SESTD1: variants seen among roughly 807,000 people sequenced by gnomAD.
The protein encoded by SESTD1 is SEC14 and spectrin domain containing 1.
SESTD1 carries 43 observed loss-of-function variants against 101.7 expected under a neutral mutation model. That is an observed-to-expected ratio of 0.42 (90% CI 0.33 to 0.55). The LOEUF (loss-of-function observed/expected upper bound fraction) is 0.55. Among genes scored for constraint, SESTD1 ranks in the 20% least tolerant of loss-of-function variants. The pLI is 0.07. For synonymous variants in SESTD1, 283 were observed against 286.8 expected, an observed-to-expected ratio of 0.99 and a Z score of 0.13; for missense variants, 647 against 815.1, an observed-to-expected ratio of 0.79 and a Z score of 2.51.
At chr2:179,143,069 C>CTTTAGTAGT (rs141255402) in intron 9 of SESTD1, among the ~76,000 whole-genome samples, 1 of 151,238 alleles carries the variant, frequency 6.6e-6, no homozygotes, top group Non-Finnish European at 1.5e-5. Flanking sequence ...AAATGTCTCC[C>CTTTAGTAGT]TTTAGTATTT....
intron 15 of SESTD1, 134 bp from the exon 16 acceptor site, chr2:179,115,390 T>TTA: frequency 1.6e-6 from 1 of 619,078 alleles, no homozygotes; most frequent in South Asian, 2.4e-5. Context: ...CTAGTGGCAC[T>TTA]TATTACTACA....
intron 10 of SESTD1, among the ~76,000 whole-genome samples, chr2:179,127,506 A>T (rs1205917061): frequency 6.6e-6 from 1 of 152,256 alleles, no homozygotes; most frequent in Non-Finnish European, 1.5e-5. Context: ...TACATTAAGT[A>T]GGTAACAGAG....
At chr2:179,195,770 G>C (rs1415924127) in intron 1 of SESTD1, among the ~76,000 whole-genome samples, 2 of 150,676 alleles carry the variant, frequency 1.3e-5, no homozygotes, top group East Asian at 1.9e-4. Flanking sequence ...TATGAAACAA[G>C]TTAAAAGGAA....
At chr2:179,172,299 A>G (rs2105474657) in intron 4 of SESTD1, 66 bp from the exon 5 acceptor site, 1 of 1,074,576 alleles carries the variant, frequency 9.3e-7, no homozygotes, top group Middle Eastern at 2.1e-4. Context: ...AAATTTATAA[A>G]TTACCAGACA....
intron 5 of SESTD1, among the ~76,000 whole-genome samples, chr2:179,159,824 G>A (rs544404448): frequency 3.3e-5 from 5 of 151,152 alleles, no homozygotes; most frequent in South Asian, 2.2e-4. Flanking sequence ...TCTATGACCC[G>A]GCAAAGAAGA....
In SESTD1 at chr2:179,203,466, G is replaced by A. The variant is rs1231805227; in HGVS notation, c.-25-11600C>T. On this transcript the variant is annotated intron_variant, in intron 1 of 17. Transcript: ENST00000428443. ...GGGGAACAGTTCAGAGAGCTTCCAG[G>A]TGGGTGAACACATCAAGGTGCTGAG... Among the ~76,000 whole-genome samples, 4 of 132,590 alleles carry A rather than the reference G, an allele frequency of 3.0e-5. 2 individuals are homozygous for A. The highest frequency in any genetic ancestry group is 6.0e-5 in the African/African-American group (2 of 33,216). The allele number at this position is 132,590 out of a possible 152,430, so 87.0% of individuals were successfully genotyped here.
rs912410722 is a variant in SESTD1, at chr2:179,105,085, T to A, written c.*4814A>T. ...CTCTATTACAGTATCAGTCGGCCAT[T>A]TTCTGTTCATCATCACTGCCTGAGT... On this transcript the variant is annotated 3_prime_UTR_variant, in exon 18 of 18. Coordinates refer to ENST00000428443, the MANE Select transcript of SESTD1 (RefSeq NM_178123.5). 1.3e-5 allele frequency: 2 copies of A among 152,156 alleles called. No individual in the cohort carries two copies. 9.4% of individuals were successfully genotyped at this position (152,156 alleles called of 1,614,324 possible). A position where few individuals can be genotyped will look rare whatever the true frequency, so the allele number is the denominator to read the frequency against.
At chr2:179,212,907 G>T (rs1431171696) in intron 1 of SESTD1, among the ~76,000 whole-genome samples, 1 of 135,006 alleles carries the variant, frequency 7.4e-6, no homozygotes, top group Non-Finnish European at 1.6e-5. Flanking sequence ...TGAGGGACCT[G>T]ACTGTTAGAA....
intron 12 of SESTD1, 90 bp from the exon 13 acceptor site, chr2:179,122,019 G>C (rs2044764252): frequency 7.6e-7 from 1 of 1,320,364 alleles, no homozygotes; most frequent in Non-Finnish European, 1.0e-6. Flanking sequence ...ATTGTACCTG[G>C]ATCCCAAGTA....
intron 9 of SESTD1, among the ~76,000 whole-genome samples, chr2:179,133,881 TCA>T (rs1382039360): frequency 1.3e-5 from 2 of 151,978 alleles, no homozygotes; most frequent in African/African-American, 4.8e-5. Flanking sequence ...ATTCAACCAA[TCA>T]CAGATTGAAT....
intron 1 of SESTD1, among the ~76,000 whole-genome samples, chr2:179,229,821 CTACT>C (rs1267785705): frequency 1.7e-5 from 2 of 120,326 alleles, no homozygotes; most frequent in East Asian, 4.6e-4. Context: ...ACACACAACC[CTACT>C]TGAGAAACAC....
chr2:179,246,153 G>T (rs2047227353), intron 1 of SESTD1, among the ~76,000 whole-genome samples: 1 of 151,690 alleles, frequency 6.6e-6, no homozygotes, highest in East Asian at 1.9e-4. Context: ...TACTCAGGAG[G>T]CTGAGGCAGG....
chr2:179,109,658 T>C lies in SESTD1; in HGVS notation c.*241A>G. On this transcript the variant is annotated 3_prime_UTR_variant, in exon 18 of 18. Coordinates refer to ENST00000428443, the MANE Select transcript of SESTD1 (RefSeq NM_178123.5). The stretch of plus-strand genomic sequence containing the variant: ...AGGTCAGGTAAAGCTTTAAAGCAAG[T>C]TTTCAGTGCAATGTTTATAGTTCCT... The C allele has an allele frequency of 2.1e-6, 1 of 480,742 alleles. No homozygotes were observed. Among genetic ancestry groups the C allele is most frequent in the Non-Finnish European group, 3.6e-6 (1 of 277,316 alleles). 29.8% of individuals were successfully genotyped at this position (480,742 alleles called of 1,614,324 possible).
intron 17 of SESTD1, among the ~76,000 whole-genome samples, chr2:179,111,020 C>A (rs752951200): frequency 1.3e-5 from 2 of 152,034 alleles, no homozygotes; most frequent in Non-Finnish European, 2.9e-5. Flanking sequence ...GCAAGCATAC[C>A]AGGGAGAGGT....
In SESTD1 at chr2:179,202,438, G is replaced by T. The variant is rs946486608; in HGVS notation, c.-25-10572C>A. On this transcript the variant is annotated intron_variant, in intron 1 of 17. Coordinates refer to ENST00000428443, the MANE Select transcript of SESTD1 (RefSeq NM_178123.5). ...AAAAAATTTAAGCAATGTTTTCCTC[G>T]AACATAATTTAATTCGGACCCTTGG... 2.2e-5 allele frequency among the ~76,000 whole-genome samples: 3 copies of T among 133,590 alleles called. 1 individual carries two copies. Among genetic ancestry groups the T allele is most frequent in the Non-Finnish European group, 4.8e-5 (3 of 62,418 alleles). The allele number at this position is 133,590 out of a possible 152,430, so 87.6% of individuals were successfully genotyped here.
In SESTD1 at chr2:179,132,344, G is replaced by T. The variant is rs1198957382; in HGVS notation, c.932C>A (p.Ala311Asp). 4 of 1,563,858 alleles carry T rather than the reference G, an allele frequency of 2.6e-6. No individual in the cohort carries two copies. The highest frequency in any genetic ancestry group is 2.6e-6 in the Non-Finnish European group (3 of 1,165,106). Residue 311 changes from alanine (A) to aspartate (D), a missense_variant, in exon 10 of 18, where the codon GCC becomes GAC. Coordinates refer to ENST00000428443, the MANE Select transcript of SESTD1 (RefSeq NM_178123.5). ...GIGDSIRASQ[A>D]LQQKHEEIES... Reference sequence around the variant, plus strand: ...AATCTCTTCGTGTTTCTGCTGTAGGGCCTGGGAGGCCCTAATGGAGTCTCC... The same window carrying T: ...AATCTCTTCGTGTTTCTGCTGTAGGTCCTGGGAGGCCCTAATGGAGTCTCC...
chr2:179,119,902 G>T (rs1305520096), intron 13 of SESTD1, among the ~76,000 whole-genome samples: 1 of 152,136 alleles, frequency 6.6e-6, no homozygotes, highest in Non-Finnish European at 1.5e-5. Context: ...CAGCCTGTGG[G>T]ACTGTGAGCC....
chr2:179,231,102 G>A (rs1013870911), intron 1 of SESTD1, among the ~76,000 whole-genome samples: 1 of 152,124 alleles, frequency 6.6e-6, no homozygotes, highest in East Asian at 1.9e-4. Flanking sequence ...AAGGCTACAG[G>A]AGAACAATTT....
intron 1 of SESTD1, among the ~76,000 whole-genome samples, chr2:179,216,470 G>T (rs2046722476): frequency 7.4e-6 from 1 of 134,828 alleles, no homozygotes; most frequent in Admixed American, 7.2e-5. Flanking sequence ...ACTGCTCAAT[G>T]AAATAAAAGA....
Sources: allele counts gnomAD v4.1 joint callset (sites outside exome capture counted in the v4.1 genomes callset), GRCh38; gene constraint gnomAD v4.1.1; transcripts MANE v1.5; gene names NCBI Gene and HGNC (gene_info 2026-07-23, HGNC 2026-07-21).